The following SYNE2 variants were observed in gnomAD, a reference collection of about 807,000 sequenced individuals.
SYNE2 encodes the protein nesprin-2.
In SYNE2, 431 loss-of-function variants were observed where a neutral mutation model predicts 856.3. That is an observed-to-expected ratio of 0.50 (90% confidence interval 0.47 to 0.55). The LOEUF (loss-of-function observed/expected upper bound fraction) is 0.55, where lower values mean the gene tolerates loss of function less well. Among genes scored for constraint, SYNE2 ranks in the 20% least tolerant of loss-of-function variants. The pLI is 0.00. For synonymous variants in SYNE2, 2,923 were observed against 2,872.3 expected (o/e 1.02, Z -0.56); for missense variants, 8,129 against 8,023.2 (o/e 1.01, Z -0.50).
chr14:64,224,493 G>A lies in SYNE2; in HGVS notation c.20415G>A (p.Glu6805=). ...CCTCACCCCTGCCCAGCTTCGACGAGGTAGACTCGGGGGACCAGCCTCCTG... is the reference window on the plus strand; with the variant it reads ...CCTCACCCCTGCCCAGCTTCGACGAAGTAGACTCGGGGGACCAGCCTCCTG... ...NPASPLPSFD[E]VDSGDQPPAT... Residue 6805 remains glutamate, a synonymous_variant, in exon 114 of 116, where the codon GAG becomes GAA. Coordinates refer to ENST00000555002, the MANE Select transcript of SYNE2 (RefSeq NM_182914.3). 5 of 1,614,060 alleles carry A rather than the reference G, an allele frequency of 3.1e-6. No homozygotes were observed. The highest frequency in any genetic ancestry group is 4.2e-6 in the Non-Finnish European group (5 of 1,180,022).
At chr14:64,032,318 T>C (rs1032847468) in intron 45 of SYNE2, among the ~76,000 whole-genome samples, 21 of 152,274 alleles carry the variant, frequency 1.4e-4, no homozygotes, top group African/African-American at 5.1e-4. Flanking sequence ...CTCACATCTG[T>C]AATCCTAGCA....
intron 1 of SYNE2, among the ~76,000 whole-genome samples, chr14:63,878,365 C>T (rs7140278): frequency 0.42 from 63,120 of 151,862 alleles, 14,827 homozygotes; most frequent in South Asian, 0.55. Context: ...CCTGTGGAGG[C>T]AGTGAACACC....
At chr14:64,203,030 C>T in intron 100 of SYNE2, 67 bp downstream of exon 100, 1 of 1,582,632 alleles carries the variant, frequency 6.3e-7, no homozygotes, top group Non-Finnish European at 8.6e-7. Context: ...CTGAGGCCTT[C>T]CCCGTATATC....
intron 65 of SYNE2, among the ~76,000 whole-genome samples, chr14:64,111,925 G>C (rs2097811976): frequency 6.6e-6 from 1 of 152,190 alleles, no homozygotes; most frequent in South Asian, 2.1e-4. Context: ...AGGTTTTCAA[G>C]ATTCTTGAAG....
chr14:64,016,171 G>A (rs1055202238), intron 32 of SYNE2, among the ~76,000 whole-genome samples: 4 of 151,686 alleles, frequency 2.6e-5, no homozygotes, highest in African/African-American at 4.8e-5. Context: ...GCTTTTTTTG[G>A]CAGATAGAAT....
intron 2 of SYNE2, among the ~76,000 whole-genome samples, chr14:63,930,612 C>T (rs1345771267): frequency 1.3e-5 from 2 of 151,284 alleles, no homozygotes; most frequent in Non-Finnish European, 2.9e-5. Flanking sequence ...TAGCTCACTG[C>T]AAACCTTCGC....
rs1257957756 is a variant in SYNE2, at chr14:64,137,922, C to T, written c.14782C>T (p.Leu4928=). ...IAKLEEQWLS[L]NKKIDHELHR... is the part of the protein sequence containing the mutation. ...AAAACTGGAAGAGCAGTGGTTGTCCCTGAACAAGAAAATTGACCATGAGCT... is the reference window on the plus strand; with the variant it reads ...AAAACTGGAAGAGCAGTGGTTGTCCTTGAACAAGAAAATTGACCATGAGCT... Residue 4928 remains leucine, a synonymous_variant, in exon 79 of 116, where the codon CTG becomes TTG. Transcript: ENST00000555002. The T allele has an allele frequency of 1.2e-6, 2 of 1,614,036 alleles. No homozygotes were observed. Among genetic ancestry groups the T allele is most frequent in the Non-Finnish European group, 1.7e-6 (2 of 1,180,034 alleles).
At chr14:64,178,726 C>T (rs924562205) in intron 96 of SYNE2, among the ~76,000 whole-genome samples, 6 of 152,148 alleles carry the variant, frequency 3.9e-5, no homozygotes, top group Non-Finnish European at 8.8e-5. Flanking sequence ...CCCAAAGTGA[C>T]AGCAGGCGCC....
chr14:64,203,238 T>C (rs1297092618), intron 100 of SYNE2, among the ~76,000 whole-genome samples: 1 of 152,244 alleles, frequency 6.6e-6, no homozygotes, highest in East Asian at 1.9e-4. Flanking sequence ...AATTATGTCT[T>C]TTTTTAACTG....
chr14:63,887,802 G>GA (rs1187933913), intron 1 of SYNE2, among the ~76,000 whole-genome samples: 2 of 146,340 alleles, frequency 1.4e-5, no homozygotes, highest in Non-Finnish European at 3.0e-5. Flanking sequence ...ATCTAGGCTG[G>GA]AGTGCATTGG....
At chr14:63,851,781 G>A (rs1890480131), upstream of SYNE2, among the ~76,000 whole-genome samples, 2 of 151,716 alleles carry the variant, frequency 1.3e-5, no homozygotes. Flanking sequence ...ATATGAACTT[G>A]GAGTTTTAAG....
chr14:64,017,172 T>C (rs2096898449), intron 33 of SYNE2, among the ~76,000 whole-genome samples: 1 of 151,606 alleles, frequency 6.6e-6, no homozygotes. Flanking sequence ...CTACTAAAAA[T>C]ACAAATATTA....
intron 105 of SYNE2, among the ~76,000 whole-genome samples, chr14:64,213,592 C>T (rs946521526): frequency 6.6e-6 from 1 of 152,138 alleles, no homozygotes; most frequent in Non-Finnish European, 1.5e-5. Flanking sequence ...GCCACTCTTT[C>T]TTTTTTTGTG....
intron 60 of SYNE2, among the ~76,000 whole-genome samples, chr14:64,091,909 A>G (rs2097620287): frequency 6.6e-6 from 1 of 151,978 alleles, no homozygotes; most frequent in Non-Finnish European, 1.5e-5. Context: ...AAATGACTAT[A>G]TGTTTTTCCC....
Position 64,167,563 on chromosome 14 carries a change from A to G in SYNE2, c.16829A>G (p.Glu5610Gly). The change falls in exon 92 of 116, where the codon GAG (glutamate) becomes GGG (glycine). Residue 5610 changes from glutamate to glycine, a missense_variant. Glu to Gly is a moderately conservative substitution (Grantham distance 98). Transcript: ENST00000555002. The stretch of plus-strand genomic sequence containing the variant: ...TGTGAAAAGTGGATCCAACTTTTGG[A>G]GAAGATAGAAGAAGCACTCAAAGTG... ...YCCEKWIQLLEKIEEALKVDV... is the reference protein window; with the variant it reads ...YCCEKWIQLLGKIEEALKVDV... The G allele has an allele frequency of 6.2e-7, 1 of 1,614,240 alleles. No individual in the cohort carries two copies. The highest frequency in any genetic ancestry group is 8.5e-7 in the Non-Finnish European group (1 of 1,180,036).
intron 1 of SYNE2, among the ~76,000 whole-genome samples, chr14:63,821,008 T>C (rs1276448027): frequency 6.6e-6 from 1 of 151,856 alleles, no homozygotes; most frequent in Non-Finnish European, 1.5e-5. Flanking sequence ...ACCTCAGCCT[T>C]TGGGATTACA....
rs760876695 is a variant in SYNE2, at chr14:64,170,346, A to T, written c.17119A>T (p.Thr5707Ser). 6.2e-7 allele frequency: 1 copy of T among 1,614,116 alleles called. No homozygotes were observed. Among genetic ancestry groups the T allele is most frequent in the South Asian group, 1.1e-5 (1 of 91,084 alleles). ...GLVRQWQDFT[T>S]SVENLFRFLT... ...GGTGAGGCAGTGGCAAGATTTCACT[A>T]CTTCTGTGGAGAACTTGTTTCGCTT... The change falls in exon 94 of 116, where the codon ACT becomes TCT. Residue 5707 changes from threonine to serine, a missense_variant. Thr to Ser is a moderately conservative substitution (Grantham distance 58, BLOSUM62 1). Around this residue, in one of 3 missense-constraint regions of SYNE2, gnomAD observed 5,410 missense variants for 5,284.8 expected, o/e 1.02. Coordinates refer to ENST00000555002, the MANE Select transcript of SYNE2 (RefSeq NM_182914.3).
At chr14:64,059,553 C>T (rs2097299929) in intron 49 of SYNE2, among the ~76,000 whole-genome samples, 1 of 152,182 alleles carries the variant, frequency 6.6e-6, no homozygotes, top group African/African-American at 2.4e-5. Flanking sequence ...CTGCCTAGAG[C>T]TGGGGTAGGG....
rs1595992608 is a variant in SYNE2 at position 64,175,015 on chromosome 14, G to C, written c.17307G>C (p.Leu5769=). The change falls in exon 95 of 116, where the codon CTG becomes CTC. Residue 5769 remains leucine (L), a synonymous_variant. Transcript: ENST00000555002. ...ALTLEAGEKL[L]LTTDLKTKES... is the part of the protein sequence containing the mutation. ...CCTTGGAAGCTGGAGAAAAGTTACT[G>C]CTCACAACTGACCTGAAAACTAAAG... 1.9e-6 allele frequency: 3 copies of C among 1,614,002 alleles called. No individual in the cohort carries two copies. In the East Asian group the frequency reaches 6.7e-5, roughly 36 times the overall value.
Sources: allele counts gnomAD v4.1 joint callset (sites outside exome capture counted in the v4.1 genomes callset), GRCh38; gene constraint gnomAD v4.1.1; regional missense constraint gnomAD v4.1.1; transcripts MANE v1.5; gene names NCBI Gene and HGNC (gene_info 2026-07-23, HGNC 2026-07-21).